ANKIB1: variants seen among roughly 807,000 people sequenced by gnomAD.
ANKIB1 encodes the protein ankyrin repeat and IBR domain containing 1, also known as ankyrin repeat and IBR domain-containing protein 1.
Under a neutral mutation model 122.1 loss-of-function variants are expected in ANKIB1, and 43 were observed. The observed-to-expected ratio is 0.35, with a 90% CI of 0.28 to 0.45. The LOEUF (loss-of-function observed/expected upper bound fraction) is 0.45, where lower values mean the gene tolerates loss of function less well. Among genes scored for constraint, ANKIB1 ranks in the 20% least tolerant of loss-of-function variants. The pLI, the probability that ANKIB1 is intolerant of heterozygous loss-of-function variation, is 1.00. For missense variants in ANKIB1, 992 were observed against 1,329.5 expected, an observed-to-expected ratio of 0.75 and a Z score of 3.95; for synonymous variants, 390 against 442.0, an observed-to-expected ratio of 0.88 and a Z score of 1.48.
At chr7:92,347,219 G>A (rs1803559512) in intron 7 of ANKIB1, among the ~76,000 whole-genome samples, 1 of 152,162 alleles carries the variant, frequency 6.6e-6, no homozygotes, top group African/African-American at 2.4e-5. Flanking sequence ...ATGTGGCCCA[G>A]GACAGCTTTG....
intron 5 of ANKIB1, 33 bp downstream of exon 5, chr7:92,327,933 C>T (rs762829713): frequency 7.2e-7 from 1 of 1,396,880 alleles, no homozygotes; most frequent in East Asian, 2.4e-5. Context: ...CTTCTAAGAA[C>T]ATGAGTAACT....
At chr7:92,271,680 A>G (rs530919339) in intron 1 of ANKIB1, among the ~76,000 whole-genome samples, 1 of 152,376 alleles carries the variant, frequency 6.6e-6, no homozygotes, top group South Asian at 2.1e-4. Flanking sequence ...ATGACAAGAA[A>G]GAGCTATAGA....
rs200725768 is a variant in ANKIB1, at chr7:92,350,921, G to A, written c.1086-29G>A. The A allele has an allele frequency of 3.9e-4, 605 of 1,567,090 alleles. 2 individuals carry two copies. The highest frequency in any genetic ancestry group is 1.0e-3 in the Middle Eastern group (6 of 5,850). On this transcript the variant is annotated intron_variant, in intron 7 of 19. Coordinates refer to ENST00000265742, the MANE Select transcript of ANKIB1 (RefSeq NM_019004.2). ...TATGCACAACTTAATATCCTTGCTCGTTTGATGTGCATTGATCCATTTTAA... is the reference window on the plus strand; with the variant it reads ...TATGCACAACTTAATATCCTTGCTCATTTGATGTGCATTGATCCATTTTAA...
intron 11 of ANKIB1, among the ~76,000 whole-genome samples, chr7:92,384,611 A>G (rs1326679777): frequency 6.6e-6 from 1 of 152,202 alleles, no homozygotes. Flanking sequence ...TCTTTGACAA[A>G]CCTGACAAAA....
At chr7:92,271,655 A>G in intron 1 of ANKIB1, among the ~76,000 whole-genome samples, 1 of 152,218 alleles carries the variant, frequency 6.6e-6, no homozygotes, top group East Asian at 1.9e-4. Context: ...ATATTATAGG[A>G]AAAGGAGCAA....
At chr7:92,289,225 C>G (rs1015298093) in intron 1 of ANKIB1, among the ~76,000 whole-genome samples, 1 of 152,150 alleles carries the variant, frequency 6.6e-6, no homozygotes, top group Admixed American at 6.5e-5. Context: ...ATGGATAAAT[C>G]TTAGTGCATT....
intron 2 of ANKIB1, among the ~76,000 whole-genome samples, chr7:92,298,326 T>C (rs991791356): frequency 9.9e-5 from 15 of 151,944 alleles, no homozygotes; most frequent in Admixed American, 7.9e-4. Context: ...TTCAGTAATA[T>C]TTAATATCAA....
At chr7:92,323,213 A>G (rs1346803598) in intron 4 of ANKIB1, among the ~76,000 whole-genome samples, 1 of 152,164 alleles carries the variant, frequency 6.6e-6, no homozygotes, top group African/African-American at 2.4e-5. Context: ...GAAAGATTAT[A>G]TTGATTTACT....
intron 5 of ANKIB1, among the ~76,000 whole-genome samples, chr7:92,341,309 CAAAAAA>C (rs554016109): frequency 1.3e-5 from 1 of 78,830 alleles, no homozygotes; most frequent in African/African-American, 4.2e-5. Flanking sequence ...GACCCTGTCT[CAAAAAA>C]AAAAAAAAAA....
At chr7:92,253,766 A>C (rs1273170536) in intron 1 of ANKIB1, among the ~76,000 whole-genome samples, 1 of 151,660 alleles carries the variant, frequency 6.6e-6, no homozygotes, top group Admixed American at 6.6e-5. Context: ...ACATTCAGAC[A>C]CACACATACA....
At chr7:92,296,008 A>G (rs912223494) in intron 2 of ANKIB1, among the ~76,000 whole-genome samples, 1 of 152,178 alleles carries the variant, frequency 6.6e-6, no homozygotes, top group Non-Finnish European at 1.5e-5. Flanking sequence ...ATAATTCTAG[A>G]ACTAGTATTC....
intron 10 of ANKIB1, among the ~76,000 whole-genome samples, chr7:92,364,452 A>G (rs1006940589): frequency 6.6e-6 from 1 of 151,384 alleles, no homozygotes; most frequent in South Asian, 2.1e-4. Flanking sequence ...TTTGTCTTCC[A>G]TAAATAGATT....
chr7:92,307,327 A>G, intron 2 of ANKIB1, 32 bp from the exon 3 acceptor site: 1 of 1,567,170 alleles, frequency 6.4e-7, no homozygotes, highest in Non-Finnish European at 8.7e-7. Context: ...AGTGATTTTC[A>G]TCCTTTATTT....
chr7:92,293,231 A>G (rs982667068), intron 1 of ANKIB1, among the ~76,000 whole-genome samples: 5 of 152,260 alleles, frequency 3.3e-5, no homozygotes, highest in East Asian at 1.9e-4. Flanking sequence ...TTGTTATGAG[A>G]TGTAGTTTGG....
rs1397811633 is a variant in ANKIB1, at chr7:92,394,895, A to T, written c.2284-1470A>T. On this transcript the variant is annotated intron_variant, in intron 17 of 19. Coordinates refer to ENST00000265742, the MANE Select transcript of ANKIB1 (RefSeq NM_019004.2). ...CTGCTTATATAAATAAAGGAGTTTA[A>T]ATAAATGTCACCAGAGTGGTATGAT... Among the ~76,000 whole-genome samples, 10 of 152,336 alleles carry T rather than the reference A, an allele frequency of 6.6e-5. No homozygotes were observed. In the South Asian group the frequency reaches 1.9e-3, roughly 28 times the overall value.
intron 3 of ANKIB1, among the ~76,000 whole-genome samples, chr7:92,309,942 A>AAAAAAAAATATATATAT (rs1335765681): frequency 2.2e-5 from 2 of 91,790 alleles, no homozygotes; most frequent in African/African-American, 9.7e-5. Flanking sequence ...AAAAAAAAAA[A>AAAAAAAAATATATATAT]ATATATATAT....
intron 1 of ANKIB1, among the ~76,000 whole-genome samples, chr7:92,290,889 A>T (rs1400597293): frequency 2.0e-5 from 3 of 152,164 alleles, no homozygotes; most frequent in Admixed American, 6.5e-5. Flanking sequence ...TTGTGGGTTG[A>T]AGGGGAACTG....
At chr7:92,372,120 A>G (rs1804278289) in intron 11 of ANKIB1, among the ~76,000 whole-genome samples, 1 of 151,942 alleles carries the variant, frequency 6.6e-6, no homozygotes. Context: ...CAGTCCATAT[A>G]CTGTCTCCAT....
chr7:92,375,614 G>T (rs912110417), intron 11 of ANKIB1, among the ~76,000 whole-genome samples: 1 of 152,146 alleles, frequency 6.6e-6, no homozygotes, highest in African/African-American at 2.4e-5. Context: ...CACATCTGAG[G>T]TTATTTTTTC....
Sources: gnomAD v4.1 joint callset for allele counts (sites outside exome capture counted in the v4.1 genomes callset) on GRCh38, gnomAD v4.1.1 for gene constraint, MANE v1.5 for transcripts, NCBI Gene and HGNC (gene_info 2026-07-23, HGNC 2026-07-21) for gene names.